Variants in DMGDH observed in about 807,000 individuals in gnomAD.
DMGDH encodes the protein dimethylglycine dehydrogenase, mitochondrial.
DMGDH carries 76 observed loss-of-function variants against 95.2 expected under a neutral mutation model. The observed-to-expected ratio is 0.80, with a 90% CI of 0.66 to 0.97. The LOEUF (loss-of-function observed/expected upper bound fraction) is 0.97, where lower values mean the gene tolerates loss of function less well. DMGDH is among the 50% of genes least tolerant of loss of function. The pLI, the probability that DMGDH is intolerant of heterozygous loss-of-function variation, is 0.00. For synonymous variants in DMGDH, 345 were observed against 377.6 expected (o/e 0.91, Z 1.00); for missense variants, 987 against 1,055.0 (o/e 0.94, Z 0.89).
intron 14 of DMGDH, among the ~76,000 whole-genome samples, chr5:79,018,402 AC>A (rs1753783395): frequency 6.6e-6 from 1 of 152,138 alleles, no homozygotes; most frequent in African/African-American, 2.4e-5. Context: ...GAATTAACAC[AC>A]AAAAAAAGTA....
intron 14 of DMGDH, chr5:79,021,643 AT>A: frequency 2.3e-6 from 3 of 1,318,476 alleles, no homozygotes; most frequent in Admixed American, 2.1e-5. Context: ...TCACCCAGCC[AT>A]TTTCCTCCTT....
chr5:79,037,873 G>A (rs1314938618), intron 7 of DMGDH, among the ~76,000 whole-genome samples: 1 of 152,114 alleles, frequency 6.6e-6, no homozygotes, highest in Non-Finnish European at 1.5e-5. Context: ...CAAAAGACGT[G>A]CAAAACTTTT....
At position 79,051,185 on chromosome 5, in the gene DMGDH, A is replaced by C. The variant is rs1369971213; in HGVS notation, c.745+102T>G. On this transcript the variant is annotated intron_variant, in intron 5 of 15. Transcript: ENST00000255189. ...ACAAAATGTTTAACTTGGGAGCATC[A>C]CAGTGCTTCATGACAATGTCCATCG... 7.1e-6 allele frequency: 9 copies of C among 1,272,334 alleles called. No homozygotes were observed. In the East Asian group the frequency reaches 2.1e-4, roughly 29 times the overall value. The allele number at this position is 1,272,334 out of a possible 1,614,324, so 78.8% of individuals were successfully genotyped here.
At chr5:79,016,234 CAA>C (rs1175303913) in intron 14 of DMGDH, among the ~76,000 whole-genome samples, 14 of 112,150 alleles carry the variant, frequency 1.2e-4, no homozygotes, top group African/African-American at 3.7e-4. Flanking sequence ...GAGACTCCAT[CAA>C]AAAAAAAAAG....
intron 11 of DMGDH, 64 bp from the exon 12 acceptor site, chr5:79,028,714 A>C (rs906116416): frequency 1.2e-5 from 18 of 1,527,526 alleles, no homozygotes; most frequent in Non-Finnish European, 1.4e-5. Context: ...GTAATAAATT[A>C]TCTCTCTGAA....
intron 11 of DMGDH, 32 bp from the exon 12 acceptor site, chr5:79,028,682 ATT>A: frequency 5.0e-6 from 8 of 1,601,496 alleles, no homozygotes; most frequent in Non-Finnish European, 6.8e-6. Flanking sequence ...GGTGTTAAAT[ATT>A]GCTTGAATAA....
intron 14 of DMGDH, among the ~76,000 whole-genome samples, chr5:79,006,952 G>A (rs1753559121): frequency 6.6e-6 from 1 of 151,992 alleles, no homozygotes; most frequent in Non-Finnish European, 1.5e-5. Context: ...TACACAGGAA[G>A]TTAGAGAAAG....
rs919288284 is a variant in DMGDH at position 79,054,274 on chromosome 5, T to C, written c.450A>G (p.Gln150=). 27 of 1,614,046 alleles carry C rather than the reference T, an allele frequency of 1.7e-5. No homozygotes were observed. Among genetic ancestry groups the C allele is most frequent in the East Asian group, 4.5e-5 (2 of 44,894 alleles). ...TPVRVDEFKY[Q]MTRTGWHATE... is the part of the protein sequence containing the mutation. ...TTGCATGCCAGCCAGTCCGAGTCAT[T>C]TGATATTTAAATTCATCTACCCTTA... The change falls in exon 4 of 16, where the codon CAA becomes CAG. Residue 150 remains glutamine (Q), a synonymous_variant. Transcript: ENST00000255189.
At position 79,063,639 on chromosome 5, in the gene DMGDH, GCTCTGATTT is replaced by G. The variant is rs1423567563; in HGVS notation, c.241_249del (p.Lys81_Glu83del). On this transcript the variant is annotated inframe_deletion, in exon 2 of 16. Coordinates refer to ENST00000255189, the MANE Select transcript of DMGDH (RefSeq NM_013391.3). ...GCGTGCCAGGTAGATCCAGCCGTGA[GCTCTGATTT>G]CTCCAGCAGGACCACATCTTTCATC... 6.2e-7 allele frequency: 1 copy of G among 1,614,196 alleles called. No homozygotes were observed. Among genetic ancestry groups the G allele is most frequent in the Non-Finnish European group, 8.5e-7 (1 of 1,180,044 alleles).
In DMGDH at chr5:79,054,456, C is replaced by T. The variant is rs867483053; in HGVS notation, c.376-108G>A. Reference sequence around the variant, plus strand: ...TGCAGCTGTACAAAAAGATTTATTACGAGTGAAAGAAATAACTATTAAAAT... The same window carrying T: ...TGCAGCTGTACAAAAAGATTTATTATGAGTGAAAGAAATAACTATTAAAAT... On this transcript the variant is annotated intron_variant, in intron 3 of 15. Transcript: ENST00000255189. The T allele has an allele frequency of 1.0e-4, 112 of 1,101,990 alleles. No homozygotes were observed. In the Middle Eastern group the frequency reaches 3.4e-3, roughly 33 times the overall value. The allele number at this position is 1,101,990 out of a possible 1,614,324, so 68.3% of individuals were successfully genotyped here. A position where few individuals can be genotyped will look rare whatever the true frequency, so the allele number is the denominator to read the frequency against.
At chr5:79,017,869 A>C (rs992953676) in intron 14 of DMGDH, among the ~76,000 whole-genome samples, 1 of 152,174 alleles carries the variant, frequency 6.6e-6, no homozygotes, top group Admixed American at 6.5e-5. Flanking sequence ...CCGGACTTCA[A>C]GCAAATTTTG....
At chr5:79,055,585 A>C (rs569845868) in intron 3 of DMGDH, among the ~76,000 whole-genome samples, 2 of 152,320 alleles carry the variant, frequency 1.3e-5, no homozygotes, top group South Asian at 4.1e-4. Context: ...TTCTTTCTTC[A>C]TTTAAAAAAT....
At chr5:79,067,025 T>C (rs1264991980) in intron 1 of DMGDH, among the ~76,000 whole-genome samples, 1 of 152,248 alleles carries the variant, frequency 6.6e-6, no homozygotes, top group African/African-American at 2.4e-5. Context: ...TGGTTGTTTA[T>C]ATTAACATGA....
At chr5:79,021,293 G>C (rs923809348) in intron 14 of DMGDH, 1 of 1,082,498 alleles carries the variant, frequency 9.2e-7, no homozygotes, top group African/African-American at 1.6e-5. Context: ...TTTAGTTCCT[G>C]AAATATTATT....
intron 5 of DMGDH, among the ~76,000 whole-genome samples, chr5:79,049,874 T>A (rs1210028195): frequency 6.6e-6 from 1 of 152,180 alleles, no homozygotes; most frequent in East Asian, 1.9e-4. Context: ...GAGGCATGGG[T>A]GAGAGAAATT....
intron 1 of DMGDH, among the ~76,000 whole-genome samples, chr5:79,065,190 C>A (rs1265684059): frequency 6.6e-6 from 1 of 151,656 alleles, no homozygotes; most frequent in Non-Finnish European, 1.5e-5. Flanking sequence ...AACACATACA[C>A]AGCTGTCATC....
intron 15 of DMGDH, among the ~76,000 whole-genome samples, chr5:79,003,018 T>C (rs1753480577): frequency 1.3e-5 from 2 of 152,226 alleles, no homozygotes; most frequent in South Asian, 4.1e-4. Flanking sequence ...TTTTCAGGGT[T>C]TTAAAACTAA....
Position 79,029,916 on chromosome 5 carries a change from A to T in DMGDH, c.1802T>A (p.Leu601His), listed in dbSNP as rs774408032. Residue 601 changes from leucine to histidine, a missense_variant, in exon 11 of 16, where the codon CTT becomes CAT. Physicochemically the swap from Leu to His is moderately conservative, Grantham distance 99. Transcript: ENST00000255189. ...FLLITGSGSELHDLRWIEEEA... is the reference protein window; with the variant it reads ...FLLITGSGSEHHDLRWIEEEA... Reference sequence around the variant, plus strand: ...GGTGTGCACTTACCTAAGATCATGAAGTTCTGATCCAGAGCCAGTAATTAA... The same window carrying T: ...GGTGTGCACTTACCTAAGATCATGATGTTCTGATCCAGAGCCAGTAATTAA... The T allele has an allele frequency of 2.4e-5, 38 of 1,613,958 alleles. No individual in the cohort carries two copies. Among genetic ancestry groups the T allele is most frequent in the Non-Finnish European group, 3.1e-5 (37 of 1,179,976 alleles).
Position 79,059,731 on chromosome 5 carries a change from T to C in DMGDH, c.277-3823A>G, listed in dbSNP as rs146007213. ...ACAGGACTATTTTGCAAAAGGCAAT[T>C]ATTTCTCACCTACTGAAAGCATCAC... On this transcript the variant is annotated intron_variant, in intron 2 of 15. Transcript: ENST00000255189. Among the ~76,000 whole-genome samples, 1,481 of 152,330 alleles carry C rather than the reference T, an allele frequency of 9.7e-3. 15 individuals carry two copies. Among genetic ancestry groups the C allele is most frequent in the Middle Eastern group, 0.024 (7 of 294 alleles).
Sources: allele counts gnomAD v4.1 joint callset (sites outside exome capture counted in the v4.1 genomes callset), GRCh38; gene constraint gnomAD v4.1.1; transcripts MANE v1.5; gene names NCBI Gene and HGNC (gene_info 2026-07-23, HGNC 2026-07-21).